Variants in ANO4 observed in about 807,000 individuals in gnomAD.
ANO4 encodes anoctamin 4.
In ANO4, 69 loss-of-function variants were observed where a neutral mutation model predicts 141.9. The ratio of observed to expected loss-of-function variants is 0.49; its 90% CI spans 0.40 to 0.59. ANO4 has a LOEUF of 0.59. ANO4 is among the 20% of genes least tolerant of loss of function. The pLI is 0.00. For synonymous variants in ANO4, 350 were observed against 394.3 expected (o/e 0.89, Z 1.33); for missense variants, 894 against 1,162.2 (o/e 0.77, Z 3.36).
intron 9 of ANO4, among the ~76,000 whole-genome samples, chr12:101,022,590 G>A (rs937056278): frequency 6.6e-6 from 1 of 152,118 alleles, no homozygotes; most frequent in African/African-American, 2.4e-5. Flanking sequence ...ACTTTTTTCA[G>A]TTAACATTGT....
chr12:100,816,343 A>C (rs926955336), intron 1 of ANO4, among the ~76,000 whole-genome samples: 1 of 152,040 alleles, frequency 6.6e-6, no homozygotes, highest in Non-Finnish European at 1.5e-5. Flanking sequence ...AATTGGAGGG[A>C]ATGATTCTCT....
At chr12:101,004,108 A>G (rs540590535) in intron 8 of ANO4, among the ~76,000 whole-genome samples, 45 of 148,834 alleles carry the variant, frequency 3.0e-4, no homozygotes, top group African/African-American at 1.1e-3. Flanking sequence ...CATTCAGGAA[A>G]ACTGAAACCT....
chr12:100,851,351 C>T (rs1431419207), intron 1 of ANO4, among the ~76,000 whole-genome samples: 1 of 152,084 alleles, frequency 6.6e-6, no homozygotes, highest in African/African-American at 2.4e-5. Context: ...AAATATCTAT[C>T]CCTGCCTATC....
chr12:101,079,530 T>G (rs2049159352), intron 15 of ANO4, among the ~76,000 whole-genome samples: 1 of 152,112 alleles, frequency 6.6e-6, no homozygotes, highest in Non-Finnish European at 1.5e-5. Flanking sequence ...CCAGAAGAAT[T>G]GGTGGTGTAG....
intron 11 of ANO4, among the ~76,000 whole-genome samples, chr12:101,041,093 T>C (rs750538238): frequency 1.3e-5 from 2 of 152,228 alleles, no homozygotes; most frequent in Non-Finnish European, 2.9e-5. Flanking sequence ...GATTGGGTAA[T>C]AACAACCCAC....
At chr12:100,898,046 C>G (rs2040425704) in intron 1 of ANO4, among the ~76,000 whole-genome samples, 2 of 152,206 alleles carry the variant, frequency 1.3e-5, no homozygotes, top group South Asian at 4.1e-4. Context: ...CAGTTAATCA[C>G]TTTGTTGTGT....
intron 17 of ANO4, among the ~76,000 whole-genome samples, chr12:101,088,970 T>A (rs2049627170): frequency 6.6e-6 from 1 of 152,264 alleles, no homozygotes; most frequent in South Asian, 2.1e-4. Context: ...CCAAGGACAG[T>A]TGTTAGGCAT....
intron 5 of ANO4, among the ~76,000 whole-genome samples, chr12:100,954,221 A>C (rs2043087986): frequency 6.6e-6 from 1 of 152,116 alleles, no homozygotes; most frequent in Non-Finnish European, 1.5e-5. Context: ...TTCAATAAAT[A>C]ATTTTACAGC....
chr12:100,970,911 G>A (rs2043906439), intron 5 of ANO4, among the ~76,000 whole-genome samples: 1 of 152,102 alleles, frequency 6.6e-6, no homozygotes. Flanking sequence ...TAGAGACGGG[G>A]TTTCACCATG....
chr12:100,811,782 G>A (rs1451414560), intron 1 of ANO4, among the ~76,000 whole-genome samples: 1 of 152,086 alleles, frequency 6.6e-6, no homozygotes, highest in Non-Finnish European at 1.5e-5. Context: ...AATTTTACCT[G>A]CTGTTGTCGT....
At chr12:100,975,688 A>C (rs2044148876) in intron 7 of ANO4, among the ~76,000 whole-genome samples, 1 of 151,636 alleles carries the variant, frequency 6.6e-6, no homozygotes, top group South Asian at 2.1e-4. Flanking sequence ...CGATCCGCCC[A>C]CCTCGGCCTC....
intron 1 of ANO4, among the ~76,000 whole-genome samples, chr12:100,728,935 C>T (rs796973613): frequency 9.9e-5 from 15 of 152,224 alleles, no homozygotes; most frequent in African/African-American, 3.6e-4. Context: ...CAGAACACTT[C>T]CAGCATCCCC....
chr12:101,048,028 A>G, intron 13 of ANO4: 2 of 1,087,896 alleles, frequency 1.8e-6, no homozygotes, highest in Non-Finnish European at 2.2e-6. Flanking sequence ...ATATCCATAC[A>G]CATATGTACG....
At chr12:100,868,872 G>C (rs939083022) in intron 1 of ANO4, among the ~76,000 whole-genome samples, 1 of 152,198 alleles carries the variant, frequency 6.6e-6, no homozygotes, top group African/African-American at 2.4e-5. Context: ...CTTGCCAAAG[G>C]CTGATAGTTT....
At chr12:101,116,901 G>A in intron 25 of ANO4, 103 bp downstream of exon 25, 1 of 1,498,140 alleles carries the variant, frequency 6.7e-7, no homozygotes, top group Non-Finnish European at 9.2e-7. Flanking sequence ...TTAAAGCAGT[G>A]ACTGTCAATC....
chr12:100,851,915 TGGG>T (rs2037896110), intron 1 of ANO4, among the ~76,000 whole-genome samples: 1 of 152,046 alleles, frequency 6.6e-6, no homozygotes, highest in South Asian at 2.1e-4. Context: ...AGGCCTGTGT[TGGG>T]GGAGCAGAAT....
intron 26 of ANO4, among the ~76,000 whole-genome samples, chr12:101,121,770 TTTTTTTTTTTA>T (rs1566278947): frequency 9.4e-6 from 1 of 106,088 alleles, no homozygotes; most frequent in Admixed American, 9.7e-5. Flanking sequence ...TTTTTTTTTT[TTTTTTTTTTTA>T]AGACTGATTC....
intron 5 of ANO4, among the ~76,000 whole-genome samples, chr12:100,964,431 C>A (rs573061944): frequency 6.6e-6 from 1 of 152,000 alleles, no homozygotes; most frequent in Non-Finnish European, 1.5e-5. Flanking sequence ...TAGCTGGTCC[C>A]GTCTCTATCA....
chr12:100,771,335 T>C (rs543504729), intron 3 of ANO4, among the ~76,000 whole-genome samples: 2 of 152,314 alleles, frequency 1.3e-5, no homozygotes, highest in South Asian at 4.1e-4. Context: ...GGATCTGTCA[T>C]GATCTTAACT....
Sources: gnomAD v4.1 joint callset for allele counts (sites outside exome capture counted in the v4.1 genomes callset) on GRCh38, gnomAD v4.1.1 for gene constraint, MANE v1.5 for transcripts, NCBI Gene and HGNC (gene_info 2026-07-23, HGNC 2026-07-21) for gene names.